TRIQK: variants seen among roughly 807,000 people sequenced by gnomAD.
TRIQK encodes triple QxxK/R motif containing.
Under a neutral mutation model 10.8 loss-of-function variants are expected in TRIQK, and 10 were observed. The ratio of observed to expected loss-of-function variants is 0.92; its 90% confidence interval spans 0.57 to 1.57. TRIQK has a LOEUF of 1.57. TRIQK is among the 40% of genes most tolerant of loss of function. The pLI is 0.00. For synonymous variants in TRIQK, 33 were observed against 33.7 expected (o/e 0.98, Z 0.07); for missense variants, 107 against 97.7 (o/e 1.09, Z -0.40).
intron 1 of TRIQK, among the ~76,000 whole-genome samples, chr8:93,007,789 G>T (rs557562292): frequency 6.6e-6 from 1 of 152,212 alleles, no homozygotes; most frequent in Non-Finnish European, 1.5e-5. Flanking sequence ...GGGATTGAAG[G>T]CTATCTTGCT....
At chr8:92,910,142 A>T (rs1238890392) in intron 3 of TRIQK, among the ~76,000 whole-genome samples, 1 of 151,476 alleles carries the variant, frequency 6.6e-6, no homozygotes, top group Non-Finnish European at 1.5e-5. Context: ...ATCATTAGAG[A>T]TGCCAAAAAA....
At chr8:92,896,260 A>G (rs13249658) in intron 3 of TRIQK, among the ~76,000 whole-genome samples, 111,138 of 152,080 alleles carry the variant, frequency 0.73, 40,863 homozygotes, top group Middle Eastern at 0.82. Context: ...AGCTCCGGGG[A>G]CACAAGGGAT....
intron 1 of TRIQK, among the ~76,000 whole-genome samples, chr8:92,962,385 G>C (rs1039517033): frequency 2.6e-5 from 4 of 152,114 alleles, no homozygotes; most frequent in African/African-American, 9.7e-5. Flanking sequence ...TTTCTACATA[G>C]AAGAATGTCC....
intron 1 of TRIQK, among the ~76,000 whole-genome samples, chr8:93,003,603 C>T (rs554376009): frequency 9.9e-4 from 151 of 152,190 alleles, no homozygotes; most frequent in African/African-American, 3.3e-3. Flanking sequence ...CCTTTCCAAC[C>T]GTCCCCCAAA....
At chr8:92,920,778 A>G (rs985494583) in intron 2 of TRIQK, among the ~76,000 whole-genome samples, 3 of 151,826 alleles carry the variant, frequency 2.0e-5, no homozygotes, top group African/African-American at 7.2e-5. Context: ...TGAGGGAACT[A>G]TATTTACTAA....
chr8:92,989,066 C>A (rs1479835496), intron 1 of TRIQK, among the ~76,000 whole-genome samples: 1 of 152,040 alleles, frequency 6.6e-6, no homozygotes, highest in African/African-American at 2.4e-5. Context: ...CATTGACAAA[C>A]CCTGTAGACA....
chr8:92,958,100 A>G (rs528305945), intron 1 of TRIQK, among the ~76,000 whole-genome samples: 12 of 152,022 alleles, frequency 7.9e-5, no homozygotes, highest in East Asian at 3.9e-4. Context: ...TGCATGTCAT[A>G]TAAGAGCCTC....
chr8:93,006,949 G>A (rs373191951), intron 1 of TRIQK, among the ~76,000 whole-genome samples: 4 of 152,238 alleles, frequency 2.6e-5, no homozygotes, highest in African/African-American at 9.6e-5. Context: ...AACCTGGGCA[G>A]TTCCGACGAG....
intron 1 of TRIQK, among the ~76,000 whole-genome samples, chr8:92,989,479 T>A (rs548050590): frequency 6.6e-6 from 1 of 152,216 alleles, no homozygotes; most frequent in African/African-American, 2.4e-5. Context: ...GCATTAGATT[T>A]TCATAGGAGC....
intron 3 of TRIQK, among the ~76,000 whole-genome samples, chr8:92,895,367 TAACA>T (rs150958215): frequency 0.014 from 2,158 of 152,212 alleles, 53 homozygotes; most frequent in African/African-American, 0.049. Context: ...GGTGCTGCTA[TAACA>T]AACACCTGGA....
intron 1 of TRIQK, among the ~76,000 whole-genome samples, chr8:92,982,082 TTAAA>T (rs1306304164): frequency 6.6e-6 from 1 of 151,770 alleles, no homozygotes; most frequent in Non-Finnish European, 1.5e-5. Context: ...AAAAATAAGT[TTAAA>T]TAAGGTTTTC....
chr8:92,907,706 TATA>T (rs1273238439), intron 3 of TRIQK, among the ~76,000 whole-genome samples: 1 of 152,110 alleles, frequency 6.6e-6, no homozygotes, highest in African/African-American at 2.4e-5. Context: ...CATTTTAAGT[TATA>T]ATTTCTAATT....
At chr8:92,905,833 C>T (rs1386139142) in intron 3 of TRIQK, among the ~76,000 whole-genome samples, 2 of 152,068 alleles carry the variant, frequency 1.3e-5, no homozygotes, top group Non-Finnish European at 2.9e-5. Flanking sequence ...CAGTGCCATA[C>T]CCCCTTCAGC....
At position 92,886,221 on chromosome 8, in the gene TRIQK, G is replaced by C. The variant is rs1816468592; in HGVS notation, c.*401C>G. Reference sequence around the variant, plus strand: ...ATGACTTTTTGTTCTTTCTGAATGTGATTTGAGCATGTTTCTGTAAATAAG... The same window carrying C: ...ATGACTTTTTGTTCTTTCTGAATGTCATTTGAGCATGTTTCTGTAAATAAG... On this transcript the variant is annotated 3_prime_UTR_variant, in exon 5 of 5. Coordinates refer to ENST00000521988, the MANE Select transcript of TRIQK (RefSeq NM_001171797.2). 1 of 152,014 alleles carries C rather than the reference G, an allele frequency of 6.6e-6. No individual in the cohort carries two copies. The highest frequency in any genetic ancestry group is 2.1e-4 in the South Asian group (1 of 4,834). The allele number at this position is 152,014 out of a possible 1,614,324, so 9.4% of individuals were successfully genotyped here. A position where few individuals can be genotyped will look rare whatever the true frequency, so the allele number is the denominator to read the frequency against.
At chr8:93,000,871 CCA>C (rs1423329945) in intron 1 of TRIQK, among the ~76,000 whole-genome samples, 1 of 132,150 alleles carries the variant, frequency 7.6e-6, no homozygotes, top group African/African-American at 3.3e-5. Flanking sequence ...AACCACCAAA[CCA>C]CAAAGGATTA....
chr8:92,927,954 G>A (rs1810525763), intron 2 of TRIQK: 1 of 152,174 alleles, frequency 6.6e-6, no homozygotes, highest in African/African-American at 2.4e-5. Flanking sequence ...GTGAACAATG[G>A]AAGAATAGTT....
intron 1 of TRIQK, among the ~76,000 whole-genome samples, chr8:92,980,157 G>T (rs959659146): frequency 2.0e-5 from 3 of 151,920 alleles, no homozygotes; most frequent in African/African-American, 7.3e-5. Context: ...TATTACTAAT[G>T]AGTATTTATT....
At chr8:92,989,302 C>G (rs1352049715) in intron 1 of TRIQK, among the ~76,000 whole-genome samples, 1 of 152,126 alleles carries the variant, frequency 6.6e-6, no homozygotes, top group Non-Finnish European at 1.5e-5. Context: ...AGCAGGGGTT[C>G]TCATCCCTCA....
At chr8:92,892,224 C>T (rs960756708) in intron 3 of TRIQK, 150 bp from the exon 4 acceptor site, 1 of 532,208 alleles carries the variant, frequency 1.9e-6, no homozygotes, top group African/African-American at 2.0e-5. Context: ...AAACTTGTCA[C>T]CAAAAGGTCA....
Sources: gnomAD v4.1 joint callset for allele counts (sites outside exome capture counted in the v4.1 genomes callset) on GRCh38, gnomAD v4.1.1 for gene constraint, MANE v1.5 for transcripts, NCBI Gene and HGNC (gene_info 2026-07-23, HGNC 2026-07-21) for gene names.